The following FGGY variants were observed in gnomAD, a reference collection of about 807,000 sequenced individuals.
The protein encoded by FGGY is FGGY carbohydrate kinase domain containing.
In FGGY, 72 loss-of-function variants were observed where a neutral mutation model predicts 71.3. The observed-to-expected ratio is 1.01, with a 90% CI of 0.84 to 1.23. The LOEUF is 1.23. Among genes scored for constraint, FGGY ranks in the 50% most tolerant of loss-of-function variants. FGGY has a pLI of 0.00. For missense variants in FGGY, 668 were observed against 682.3 expected (o/e 0.98, Z 0.23); for synonymous variants, 251 against 250.3 (o/e 1.00, Z -0.02).
intron 7 of FGGY, among the ~76,000 whole-genome samples, chr1:59,539,778 C>T (rs1435562957): frequency 2.0e-5 from 3 of 152,098 alleles, no homozygotes; most frequent in African/African-American, 7.2e-5. Flanking sequence ...AACTTCTTTT[C>T]ATCAAAAGCT....
At chr1:59,619,205 C>T (rs887923127) in intron 9 of FGGY, among the ~76,000 whole-genome samples, 4 of 151,988 alleles carry the variant, frequency 2.6e-5, no homozygotes, top group Non-Finnish European at 5.9e-5. Context: ...GGAGTGCTTA[C>T]TATATTTGAG....
chr1:59,695,629 A>G (rs943995263), intron 14 of FGGY, among the ~76,000 whole-genome samples: 4 of 152,220 alleles, frequency 2.6e-5, no homozygotes, highest in Admixed American at 2.0e-4. Context: ...GTTGAGGCTC[A>G]TGGGAGATAA....
At chr1:59,535,471 ACCAAGGAGAC>A (rs1462881077) in intron 7 of FGGY, among the ~76,000 whole-genome samples, 1 of 152,204 alleles carries the variant, frequency 6.6e-6, no homozygotes, top group Admixed American at 6.5e-5. Context: ...TCAGCTCTGC[ACCAAGGAGAC>A]CTAATAGACA....
At chr1:59,630,993 C>T (rs912980171) in intron 10 of FGGY, among the ~76,000 whole-genome samples, 1 of 152,172 alleles carries the variant, frequency 6.6e-6, no homozygotes, top group East Asian at 1.9e-4. Context: ...TCACCATCAG[C>T]CCCCTGAAAC....
chr1:59,730,983 C>G (rs545672881), intron 14 of FGGY, among the ~76,000 whole-genome samples: 1 of 152,320 alleles, frequency 6.6e-6, no homozygotes, highest in Admixed American at 6.5e-5. Flanking sequence ...GAGCCTCAGA[C>G]AGTTTAAGTG....
chr1:59,457,199 T>C (rs1456650696), intron 6 of FGGY, 123 bp downstream of exon 6: 5 of 696,516 alleles, frequency 7.2e-6, no homozygotes, highest in Non-Finnish European at 1.2e-5. Flanking sequence ...TGAAGTTCAC[T>C]TTTTCCAAGA....
intron 1 of FGGY, among the ~76,000 whole-genome samples, chr1:59,300,310 A>G (rs1569856440): frequency 1.3e-5 from 2 of 152,192 alleles, no homozygotes; most frequent in African/African-American, 4.8e-5. Context: ...TATGTATTCA[A>G]TCTTTCGTCC....
At chr1:59,604,021 A>G (rs920666902) in intron 8 of FGGY, among the ~76,000 whole-genome samples, 6 of 152,230 alleles carry the variant, frequency 3.9e-5, no homozygotes, top group African/African-American at 1.4e-4. Context: ...AGAATTTTTA[A>G]GTGATTTAAT....
intron 13 of FGGY, among the ~76,000 whole-genome samples, chr1:59,670,395 A>G (rs2097367106): frequency 6.6e-6 from 1 of 152,232 alleles, no homozygotes; most frequent in Non-Finnish European, 1.5e-5. Flanking sequence ...GACCTGGAAC[A>G]TGATTCTCAG....
chr1:59,621,936 A>C (rs2096812596), intron 9 of FGGY, among the ~76,000 whole-genome samples: 1 of 151,442 alleles, frequency 6.6e-6, no homozygotes, highest in Non-Finnish European at 1.5e-5. Context: ...CATATATGGT[A>C]CCTTTGGCTA....
intron 6 of FGGY, among the ~76,000 whole-genome samples, chr1:59,457,889 G>A (rs2091867267): frequency 6.6e-6 from 1 of 152,138 alleles, no homozygotes; most frequent in Non-Finnish European, 1.5e-5. Flanking sequence ...CTTTTATGTG[G>A]GTGGTAAAGT....
At chr1:59,613,899 A>G (rs979871831) in intron 9 of FGGY, among the ~76,000 whole-genome samples, 53 of 152,266 alleles carry the variant, frequency 3.5e-4, no homozygotes, top group Non-Finnish European at 6.5e-4. Context: ...AAAATCTAGA[A>G]GAAATGGATA....
chr1:59,761,545 A>G (rs1015094627), intron 15 of FGGY, among the ~76,000 whole-genome samples: 8 of 152,174 alleles, frequency 5.3e-5, no homozygotes, highest in Non-Finnish European at 1.2e-4. Context: ...AGTAAGGACA[A>G]AGTTGCAAGG....
intron 6 of FGGY, among the ~76,000 whole-genome samples, chr1:59,511,829 T>C (rs2094525693): frequency 1.3e-5 from 2 of 152,244 alleles, no homozygotes; most frequent in Non-Finnish European, 2.9e-5. Context: ...GTACACCTTT[T>C]TCCTCTTATC....
chr1:59,509,006 C>G (rs1209927536), intron 6 of FGGY, among the ~76,000 whole-genome samples: 1 of 152,200 alleles, frequency 6.6e-6, no homozygotes, highest in African/African-American at 2.4e-5. Flanking sequence ...TGAGTGGTGT[C>G]TATCAGAGCC....
Position 59,675,184 on chromosome 1 carries a change from G to A in FGGY, c.1512+1051G>A, listed in dbSNP as rs1185279386. Among the ~76,000 whole-genome samples the A allele has an allele frequency of 2.0e-5, 3 of 152,220 alleles. No homozygotes were observed. In the East Asian group the frequency reaches 5.8e-4, roughly 29 times the overall value. Reference sequence around the variant, plus strand: ...TGAACGTTCAAGAGATATTTGTTCAGCAAAGCAGCAGAGTCCAAATGACTT... The same window carrying A: ...TGAACGTTCAAGAGATATTTGTTCAACAAAGCAGCAGAGTCCAAATGACTT... On this transcript the variant is annotated intron_variant, in intron 14 of 15. Transcript: ENST00000303721.
intron 14 of FGGY, among the ~76,000 whole-genome samples, chr1:59,711,021 G>T (rs1423504738): frequency 6.6e-6 from 1 of 152,000 alleles, no homozygotes; most frequent in Non-Finnish European, 1.5e-5. Flanking sequence ...ATTGACAATA[G>T]CAAAGACTTG....
chr1:59,590,398 A>C (rs1255743492), intron 8 of FGGY, among the ~76,000 whole-genome samples: 1 of 152,224 alleles, frequency 6.6e-6, no homozygotes, highest in Admixed American at 6.5e-5. Context: ...AAACTATTCC[A>C]ATCAATAGAA....
chr1:59,718,727 C>G (rs2097862555), intron 14 of FGGY, among the ~76,000 whole-genome samples: 1 of 152,200 alleles, frequency 6.6e-6, no homozygotes, highest in African/African-American at 2.4e-5. Context: ...CCATACCACC[C>G]CTTCACCTAC....
Sources: gnomAD v4.1 joint callset for allele counts (sites outside exome capture counted in the v4.1 genomes callset) on GRCh38, gnomAD v4.1.1 for gene constraint, MANE v1.5 for transcripts, NCBI Gene and HGNC (gene_info 2026-07-23, HGNC 2026-07-21) for gene names.